The following KCNJ12 variants were observed in gnomAD, a reference collection of about 807,000 sequenced individuals.
KCNJ12 encodes the protein ATP-sensitive inward rectifier potassium channel 12.
A neutral mutation model predicts 22.3 loss-of-function variants in KCNJ12; 2 were observed. The observed-to-expected ratio is 0.09, with a 90% CI of 0.04 to 0.28. The LOEUF (loss-of-function observed/expected upper bound fraction) is 0.28. KCNJ12 is among the 10% of genes least tolerant of loss of function. The probability of loss-of-function intolerance (pLI) is 1.00; values close to 1 mark genes in which losing one functional copy is unlikely to be tolerated. For missense variants in KCNJ12, 155 were observed against 633.3 expected (o/e 0.24, Z 8.11); for synonymous variants, 117 against 261.4 (o/e 0.45, Z 5.33).
intron 1 of KCNJ12, among the ~76,000 whole-genome samples, chr17:21,404,394 C>T (rs572638610): frequency 2.6e-4 from 40 of 152,402 alleles, no homozygotes; most frequent in Admixed American, 1.3e-3. Flanking sequence ...TTAGACACCT[C>T]GCCTGGGCTC....
chr17:21,411,788 C>A (rs1411759394), intron 2 of KCNJ12, among the ~76,000 whole-genome samples: 1 of 152,430 alleles, frequency 6.6e-6, no homozygotes, highest in African/African-American at 2.4e-5. Flanking sequence ...CCTGTGTGTC[C>A]CTGGTGGAGG....
intron 1 of KCNJ12, among the ~76,000 whole-genome samples, chr17:21,390,288 G>A (rs1425928309): frequency 6.6e-6 from 1 of 152,178 alleles, no homozygotes. Context: ...CCCTGGTTGG[G>A]AGTGAATCCT....
chr17:21,396,183 G>A (rs782550817), intron 1 of KCNJ12, among the ~76,000 whole-genome samples: 4 of 152,162 alleles, frequency 2.6e-5, no homozygotes, highest in Non-Finnish European at 4.4e-5. Context: ...CTGGGCTCTC[G>A]AGAACTTGCT....
In KCNJ12 at chr17:21,418,075, C is replaced by A. The variant is rs1906948035; in HGVS notation, c.*1431C>A. 6.0e-6 allele frequency: 1 copy of A among 167,084 alleles called. No individual in the cohort carries two copies. Among genetic ancestry groups the A allele is most frequent in the African/African-American group, 2.4e-5 (1 of 41,416 alleles). The allele number at this position is 167,084 out of a possible 1,614,324, so 10.4% of individuals were successfully genotyped here. On this transcript the variant is annotated 3_prime_UTR_variant, in exon 3 of 3. Coordinates refer to ENST00000583088, the MANE Select transcript of KCNJ12 (RefSeq NM_021012.5). ...CACCACCCTCCCCCAGGTTGAGGCACTATGGCACCCTCATCAGGAAGAGGT... is the reference window on the plus strand; with the variant it reads ...CACCACCCTCCCCCAGGTTGAGGCAATATGGCACCCTCATCAGGAAGAGGT...
chr17:21,387,630 G>A (rs199788801), intron 1 of KCNJ12, among the ~76,000 whole-genome samples: 1 of 152,004 alleles, frequency 6.6e-6, no homozygotes, highest in Non-Finnish European at 1.5e-5. Flanking sequence ...TTCCCCTGTC[G>A]GAGGGTGTGG....
intron 1 of KCNJ12, among the ~76,000 whole-genome samples, chr17:21,395,568 C>CAAAAAAAAAAAAAA (rs10652801): frequency 2.9e-4 from 14 of 48,100 alleles, no homozygotes; most frequent in African/African-American, 1.0e-3. Flanking sequence ...GACTTCTTCT[C>CAAAAAAAAAAAAAA]AAAAAAAAAA....
chr17:21,409,524 G>T (rs1279484421), intron 2 of KCNJ12, among the ~76,000 whole-genome samples: 1 of 152,310 alleles, frequency 6.6e-6, no homozygotes, highest in Non-Finnish European at 1.5e-5. Flanking sequence ...GTTACTGCTG[G>T]GGCACTGGAG....
At chr17:21,389,743 G>A (rs1905163531) in intron 1 of KCNJ12, among the ~76,000 whole-genome samples, 1 of 152,108 alleles carries the variant, frequency 6.6e-6, no homozygotes, top group South Asian at 2.1e-4. Context: ...TGGCACCTGT[G>A]TCCCCCAGCA....
chr17:21,388,380 G>A (rs1555558928), intron 1 of KCNJ12, among the ~76,000 whole-genome samples: 1 of 152,174 alleles, frequency 6.6e-6, no homozygotes, highest in Admixed American at 6.5e-5. Context: ...GCTCCTCACT[G>A]CCCAGAGGGA....
chr17:21,405,943 A>G (rs1378167508), intron 1 of KCNJ12, among the ~76,000 whole-genome samples: 1 of 152,300 alleles, frequency 6.6e-6, no homozygotes, highest in Non-Finnish European at 1.5e-5. Context: ...CCTCCTAGAT[A>G]AGAACAAATC....
chr17:21,397,035 A>G (rs1905390869), intron 1 of KCNJ12, among the ~76,000 whole-genome samples: 1 of 152,214 alleles, frequency 6.6e-6, no homozygotes, highest in Non-Finnish European at 1.5e-5. Context: ...TCTGGGCCTC[A>G]GTTTCCTCAT....
At chr17:21,384,829 A>G (rs1233769077) in intron 1 of KCNJ12, among the ~76,000 whole-genome samples, 4 of 147,698 alleles carry the variant, frequency 2.7e-5, no homozygotes, top group Non-Finnish European at 4.5e-5. Flanking sequence ...CTGGAGTGCA[A>G]TGGCGCGATC....
chr17:21,388,627 C>T lies in KCNJ12; in HGVS notation c.-179+11714C>T, dbSNP rs1049315172. 4.6e-5 allele frequency among the ~76,000 whole-genome samples: 7 copies of T among 151,804 alleles called. No homozygotes were observed. The East Asian group carries it at 5.9e-4, about 13-fold the overall frequency. On this transcript the variant is annotated intron_variant, in intron 1 of 2. Coordinates refer to ENST00000583088, the MANE Select transcript of KCNJ12 (RefSeq NM_021012.5). ...CTTTATTTCTCAGGAAGTAGTGTGA[C>T]GTCGTGCTGAGGCTTGGCACCCCAA...
At chr17:21,401,496 T>C (rs1382233491) in intron 1 of KCNJ12, among the ~76,000 whole-genome samples, 3 of 152,208 alleles carry the variant, frequency 2.0e-5, no homozygotes, top group African/African-American at 7.2e-5. Context: ...ACAGCCATGC[T>C]TTCTTCCTGC....
chr17:21,399,536 G>A (rs192622539), intron 1 of KCNJ12, among the ~76,000 whole-genome samples: 2 of 152,232 alleles, frequency 1.3e-5, no homozygotes, highest in Admixed American at 1.3e-4. Context: ...GCCAAACAGG[G>A]GCCAGACACC....
At chr17:21,388,720 G>A (rs1268661923) in intron 1 of KCNJ12, among the ~76,000 whole-genome samples, 2 of 152,314 alleles carry the variant, frequency 1.3e-5, no homozygotes, top group East Asian at 1.9e-4. Context: ...GTGCTTTCCC[G>A]AACATTATCT....
intron 1 of KCNJ12, among the ~76,000 whole-genome samples, chr17:21,400,872 GC>G (rs1905576821): frequency 6.6e-6 from 1 of 150,802 alleles, no homozygotes; most frequent in Non-Finnish European, 1.5e-5. Flanking sequence ...GCTTATGAGC[GC>G]CCTAACTAGC....
At chr17:21,405,362 T>C (rs1321152503) in intron 1 of KCNJ12, 1 of 151,656 alleles carries the variant, frequency 6.6e-6, no homozygotes, top group East Asian at 1.9e-4. Flanking sequence ...AGATGGGGAG[T>C]TTCAGGCCCC....
chr17:21,379,823 T>C (rs1292183784), intron 1 of KCNJ12, among the ~76,000 whole-genome samples: 1 of 151,030 alleles, frequency 6.6e-6, no homozygotes, highest in Non-Finnish European at 1.5e-5. Context: ...GGCAGGTGGG[T>C]TTTCTGAGGT....
Sources: gnomAD v4.1 joint callset for allele counts (sites outside exome capture counted in the v4.1 genomes callset) on GRCh38, gnomAD v4.1.1 for gene constraint, MANE v1.5 for transcripts, NCBI Gene and HGNC (gene_info 2026-07-23, HGNC 2026-07-21) for gene names.